BANK1: variants seen among roughly 807,000 people sequenced by gnomAD.
The protein encoded by BANK1 is B-cell scaffold protein with ankyrin repeats.
In BANK1, 95 loss-of-function variants were observed where a neutral mutation model predicts 94.5. The observed-to-expected ratio is 1.00, with a 90% CI of 0.85 to 1.19. BANK1 has a LOEUF of 1.19. BANK1 is among the 50% of genes most tolerant of loss of function. BANK1 has a pLI of 0.00. For missense variants in BANK1, 987 were observed against 932.2 expected, an observed-to-expected ratio of 1.06 and a Z score of -0.77; for synonymous variants, 334 against 308.4, an observed-to-expected ratio of 1.08 and a Z score of -0.87.
chr4:102,019,689 A>G (rs902857240), intron 7 of BANK1, among the ~76,000 whole-genome samples: 1 of 152,186 alleles, frequency 6.6e-6, no homozygotes, highest in East Asian at 1.9e-4. Context: ...GATTTTATTG[A>G]AGAATCATTA....
chr4:102,019,345 G>A (rs543403979), intron 7 of BANK1, among the ~76,000 whole-genome samples: 44 of 152,298 alleles, frequency 2.9e-4, no homozygotes, highest in South Asian at 6.2e-4. Flanking sequence ...AAAAGTAGGC[G>A]TATAGCTTAG....
intron 7 of BANK1, among the ~76,000 whole-genome samples, chr4:101,955,205 C>A (rs562751956): frequency 6.6e-6 from 1 of 152,212 alleles, no homozygotes; most frequent in East Asian, 1.9e-4. Context: ...GCAATAAAAT[C>A]ATTACTAAAA....
chr4:102,074,057 C>T lies in BANK1; in HGVS notation c.*58C>T, dbSNP rs2148969185. 1 of 205,624 alleles carries T rather than the reference C, an allele frequency of 4.9e-6. No homozygotes were observed. The highest frequency in any genetic ancestry group is 5.9e-5 in the Admixed American group (1 of 16,870). 12.7% of individuals were successfully genotyped at this position (205,624 alleles called of 1,614,324 possible). ...CGGACATTTTGCTTTCAGGGTGAAG[C>T]AAGCTTGAATTTGGATTGCCTGCTC... On this transcript the variant is annotated 3_prime_UTR_variant, in exon 17 of 17. Transcript: ENST00000322953.
chr4:101,985,783 AG>A (rs2148929306), intron 7 of BANK1, among the ~76,000 whole-genome samples: 1 of 152,280 alleles, frequency 6.6e-6, no homozygotes, highest in African/African-American at 2.4e-5. Context: ...AACATCTAAT[AG>A]ATTTCCAATG....
chr4:101,978,874 A>G (rs1285316233), intron 7 of BANK1, among the ~76,000 whole-genome samples: 1 of 152,098 alleles, frequency 6.6e-6, no homozygotes, highest in Non-Finnish European at 1.5e-5. Context: ...AAATTAAGAT[A>G]CTGTGATATT....
intron 5 of BANK1, among the ~76,000 whole-genome samples, chr4:101,890,236 G>T (rs1432273215): frequency 1.3e-5 from 2 of 152,058 alleles, no homozygotes; most frequent in Non-Finnish European, 2.9e-5. Context: ...CTGATTTTCT[G>T]TCTACCAATT....
Position 102,027,113 on chromosome 4 carries a change from G to C in BANK1, c.1594+1604G>C, listed in dbSNP as rs201159980. ...GGGGAGAAAACATCATAAGTTAGTA[G>C]TACACTGACTACAAAATTCTGGCAT... On this transcript the variant is annotated intron_variant, in intron 9 of 16. Transcript: ENST00000322953. 8.5e-5 allele frequency among the ~76,000 whole-genome samples: 13 copies of C among 152,212 alleles called. No homozygotes were observed. In the East Asian group the frequency reaches 2.5e-3, roughly 29 times the overall value.
chr4:101,839,030 G>A (rs1363575269), intron 2 of BANK1, among the ~76,000 whole-genome samples: 1 of 152,012 alleles, frequency 6.6e-6, no homozygotes, highest in Non-Finnish European at 1.5e-5. Context: ...CTTTATTCTT[G>A]ACTGAGAAAC....
chr4:101,853,078 GAGAA>G (rs1316028029), intron 2 of BANK1, among the ~76,000 whole-genome samples: 1 of 152,124 alleles, frequency 6.6e-6, no homozygotes. Flanking sequence ...GAGAGAGAGA[GAGAA>G]AGAAAGAAAG....
intron 7 of BANK1, among the ~76,000 whole-genome samples, chr4:101,993,902 T>C (rs1270855652): frequency 2.0e-5 from 3 of 152,250 alleles, no homozygotes. Flanking sequence ...TCCTGATTTA[T>C]TTTTACTTTA....
At chr4:101,796,939 C>G (rs193196205) in intron 1 of BANK1, among the ~76,000 whole-genome samples, 2 of 152,018 alleles carry the variant, frequency 1.3e-5, no homozygotes, top group Non-Finnish European at 2.9e-5. Flanking sequence ...TTATCTTCAA[C>G]TCCTCTGGTA....
intron 5 of BANK1, among the ~76,000 whole-genome samples, chr4:101,886,711 G>T (rs1728867823): frequency 6.9e-6 from 1 of 144,112 alleles, no homozygotes; most frequent in South Asian, 2.4e-4. Context: ...GTTCAAGTTT[G>T]CTCAAGTTAA....
intron 6 of BANK1, among the ~76,000 whole-genome samples, chr4:101,905,343 G>T (rs1311810168): frequency 1.3e-5 from 2 of 152,160 alleles, no homozygotes; most frequent in Admixed American, 1.3e-4. Flanking sequence ...ACTACCAGCT[G>T]TGGTGGGGGA....
intron 6 of BANK1, among the ~76,000 whole-genome samples, chr4:101,913,756 C>T (rs1015853806): frequency 1.3e-5 from 2 of 152,100 alleles, no homozygotes; most frequent in African/African-American, 4.8e-5. Flanking sequence ...ATTTGTTAAC[C>T]ACTATATTTT....
At chr4:101,838,418 T>G (rs1175226138) in intron 2 of BANK1, among the ~76,000 whole-genome samples, 5 of 152,356 alleles carry the variant, frequency 3.3e-5, no homozygotes, top group East Asian at 3.9e-4. Flanking sequence ...TATTCTTTGC[T>G]TTCCAAAAAT....
chr4:101,811,679 G>C (rs886072114), intron 1 of BANK1, among the ~76,000 whole-genome samples: 3 of 151,826 alleles, frequency 2.0e-5, no homozygotes, highest in Non-Finnish European at 4.4e-5. Context: ...TGTCAAACAG[G>C]GACATTTTAT....
chr4:101,841,185 C>A (rs1727031808), intron 2 of BANK1, among the ~76,000 whole-genome samples: 2 of 151,802 alleles, frequency 1.3e-5, no homozygotes, highest in South Asian at 2.1e-4. Flanking sequence ...AAAAATAATA[C>A]TCATTGTAAA....
chr4:102,004,146 G>A (rs1180611372), intron 7 of BANK1, among the ~76,000 whole-genome samples: 3 of 152,060 alleles, frequency 2.0e-5, no homozygotes, highest in Middle Eastern at 3.4e-3. Flanking sequence ...TTACCACAGA[G>A]GCAGGAACTT....
chr4:101,851,574 G>T (rs1727478132), intron 2 of BANK1, among the ~76,000 whole-genome samples: 1 of 152,090 alleles, frequency 6.6e-6, no homozygotes, highest in Non-Finnish European at 1.5e-5. Context: ...TTGGGTGGCG[G>T]TTTATATTTT....
Sources: allele counts gnomAD v4.1 joint callset (sites outside exome capture counted in the v4.1 genomes callset), GRCh38; gene constraint gnomAD v4.1.1; transcripts MANE v1.5; gene names NCBI Gene and HGNC (gene_info 2026-07-23, HGNC 2026-07-21).